The following RANGAP1 variants were observed in gnomAD, a reference collection of about 807,000 sequenced individuals.
The protein encoded by RANGAP1 is ran GTPase-activating protein 1.
A neutral mutation model predicts 63.5 loss-of-function variants in RANGAP1; 38 were observed. The ratio of observed to expected loss-of-function variants is 0.60; its 90% confidence interval spans 0.46 to 0.78. RANGAP1 has a LOEUF of 0.78. Among genes scored for constraint, RANGAP1 ranks in the 30% least tolerant of loss-of-function variants. The pLI is 0.00. For missense variants in RANGAP1, 630 were observed against 740.3 expected (o/e 0.85, Z 1.73); for synonymous variants, 329 against 310.5 (o/e 1.06, Z -0.63).
rs2033849694 is a variant in RANGAP1 at position 41,256,588 on chromosome 22, C to T, written c.888+123G>A. On this transcript the variant is annotated intron_variant, in intron 8 of 15. Transcript: ENST00000356244. ...GGAGGCTCACACAGCATCACAGGGC[C>T]CGAAGTGGAGGAGCTGGGATATGGA... 3.7e-6 allele frequency: 3 copies of T among 819,742 alleles called. No individual in the cohort carries two copies. The Admixed American group carries it at 7.3e-5, about 20-fold the overall frequency. 50.8% of individuals were successfully genotyped at this position (819,742 alleles called of 1,614,324 possible).
Position 41,254,366 on chromosome 22 carries a change from CGCT to C in RANGAP1, c.1199_1201del (p.Gln400del), listed in dbSNP as rs761891834. 13 of 1,614,008 alleles carry C rather than the reference CGCT, an allele frequency of 8.1e-6. No individual in the cohort carries two copies. The highest frequency in any genetic ancestry group is 2.2e-5 in the East Asian group (1 of 44,890). The stretch of plus-strand genomic sequence containing the variant: ...CGTGGCTGACTTCTCTCCCTGCCCT[CGCT>C]GCTGAGGCTCTTCTTCCTCCTCCTC... On this transcript the variant is annotated inframe_deletion, in exon 11 of 16. Coordinates refer to ENST00000356244, the MANE Select transcript of RANGAP1 (RefSeq NM_002883.4).
chr22:41,301,903 C>G, the RANGAP1 span: 1 of 151,530 alleles, frequency 6.6e-6, no homozygotes, highest in Non-Finnish European at 1.5e-5. Flanking sequence ...AGAGCCCTTT[C>G]CAGGCCGGGG....
chr22:41,289,999 G>A (rs1466819663), upstream of RANGAP1, among the ~76,000 whole-genome samples: 1 of 151,990 alleles, frequency 6.6e-6, no homozygotes, highest in East Asian at 1.9e-4. Context: ...CAATTAGCCA[G>A]GCATGGTGGT....
chr22:41,264,566 G>C, intron 5 of RANGAP1, 98 bp downstream of exon 5: 2 of 1,382,992 alleles, frequency 1.4e-6, no homozygotes, highest in Non-Finnish European at 1.9e-6. Flanking sequence ...AACAACGGCT[G>C]ACCATCCCAG....
At chr22:41,255,313 C>T (rs781617160) in intron 10 of RANGAP1, among the ~76,000 whole-genome samples, 3 of 152,160 alleles carry the variant, frequency 2.0e-5, no homozygotes, top group African/African-American at 7.2e-5. Context: ...CGAGGAGACA[C>T]GACTGAGTAT....
chr22:41,280,857 C>G (rs1043876966), intron 2 of RANGAP1, 76 bp downstream of exon 2: 1 of 1,596,564 alleles, frequency 6.3e-7, no homozygotes, highest in Non-Finnish European at 8.5e-7. Flanking sequence ...GCAGAAAGAG[C>G]CTGACAACCA....
At chr22:41,288,497 T>G (rs1301676096), upstream of RANGAP1, among the ~76,000 whole-genome samples, 2 of 152,172 alleles carry the variant, frequency 1.3e-5, no homozygotes, top group Non-Finnish European at 2.9e-5. Context: ...ATAGGCTTCC[T>G]GCTATTCCTG....
At chr22:41,274,501 G>A in intron 3 of RANGAP1, 99 bp downstream of exon 3, 1 of 1,532,058 alleles carries the variant, frequency 6.5e-7, no homozygotes, top group South Asian at 1.2e-5. Flanking sequence ...AGCCACACAG[G>A]CAGGGGCCTG....
chr22:41,298,787 T>C, the RANGAP1 span, among the ~76,000 whole-genome samples: 2 of 152,144 alleles, frequency 1.3e-5, no homozygotes, highest in African/African-American at 4.8e-5. Context: ...GTGTACCCCA[T>C]CGAGTACAGT....
In RANGAP1 at chr22:41,257,835, G is replaced by C. The variant is rs775177914; in HGVS notation, c.774+113C>G. ...TGGAGCCATGGGGCACACACCCAGG[G>C]GGCAGGCAGGGGGTAGAGGAGTCCC... On this transcript the variant is annotated intron_variant, in intron 7 of 15. Coordinates refer to ENST00000356244, the MANE Select transcript of RANGAP1 (RefSeq NM_002883.4). The surrounding 1 kb of genome is among the most constrained non-coding windows in gnomAD (Gnocchi z 4.0). 1 of 1,287,870 alleles carries C rather than the reference G, an allele frequency of 7.8e-7. No homozygotes were observed. Among genetic ancestry groups the C allele is most frequent in the South Asian group, 1.5e-5 (1 of 65,722 alleles). The allele number at this position is 1,287,870 out of a possible 1,614,324, so 79.8% of individuals were successfully genotyped here. A position where few individuals can be genotyped will look rare whatever the true frequency, so the allele number is the denominator to read the frequency against.
At chr22:41,264,381 G>A (rs1175056983) in intron 5 of RANGAP1, among the ~76,000 whole-genome samples, 1 of 152,228 alleles carries the variant, frequency 6.6e-6, no homozygotes. Context: ...GTATAGGGAT[G>A]CCCCAAGCCC....
chr22:41,288,920 ATTTTTTTT>A (rs10657576), upstream of RANGAP1, among the ~76,000 whole-genome samples: 102 of 111,106 alleles, frequency 9.2e-4, no homozygotes, highest in African/African-American at 3.5e-3. Flanking sequence ...CTATATCCTG[ATTTTTTTT>A]TTTTTTTTTT....
Position 41,281,027 on chromosome 22 carries a change from A to G in RANGAP1, c.18T>C (p.Ile6=). The G allele has an allele frequency of 6.2e-7, 1 of 1,607,396 alleles. No homozygotes were observed. The highest frequency in any genetic ancestry group is 8.5e-7 in the Non-Finnish European group (1 of 1,177,028). Residue 6 remains isoleucine, a synonymous_variant, in exon 2 of 16, where the codon ATT becomes ATC. Transcript: ENST00000356244. MASED[I]AKLAETLAKT... is the part of the protein sequence containing the mutation. ...TGGCAAGTGTCTCTGCCAGCTTGGC[A>G]ATGTCTTCCGAGGCCATGTTGACTA...
chr22:41,268,185 G>A (rs375903068), intron 3 of RANGAP1, 29 bp from the exon 4 acceptor site: 24 of 1,508,184 alleles, frequency 1.6e-5, no homozygotes, highest in Middle Eastern at 1.7e-4. Context: ...AAGAGTTAGC[G>A]GGAGAGAGAC....
chr22:41,263,352 G>C (rs1436280411), intron 5 of RANGAP1, among the ~76,000 whole-genome samples: 1 of 152,160 alleles, frequency 6.6e-6, no homozygotes, highest in African/African-American at 2.4e-5. Flanking sequence ...CTGTGCTGAC[G>C]CAAACGTTTT....
chr22:41,250,027 T>G (rs1276615788), intron 13 of RANGAP1, among the ~76,000 whole-genome samples: 1 of 152,218 alleles, frequency 6.6e-6, no homozygotes, highest in East Asian at 1.9e-4. Flanking sequence ...CTGCCAGCTG[T>G]GACACTCTGG....
chr22:41,247,342 A>G (rs1375891149), intron 15 of RANGAP1, among the ~76,000 whole-genome samples: 1 of 151,754 alleles, frequency 6.6e-6, no homozygotes, highest in East Asian at 1.9e-4. Flanking sequence ...GGCGTGAGCC[A>G]CCGCGCCAGG....
intron 12 of RANGAP1, 28 bp downstream of exon 12, chr22:41,252,844 A>T (rs2145694134): frequency 1.3e-6 from 2 of 1,543,550 alleles, no homozygotes; most frequent in Non-Finnish European, 1.7e-6. Flanking sequence ...CAGCACGTAC[A>T]GCGTGGGGGT....
chr22:41,264,025 T>TC (rs1445601117), intron 5 of RANGAP1, among the ~76,000 whole-genome samples: 1 of 152,230 alleles, frequency 6.6e-6, no homozygotes, highest in Non-Finnish European at 1.5e-5. Flanking sequence ...TACTTCTGTG[T>TC]CCCCAGCCCT....
Sources: gnomAD v4.1 joint callset for allele counts (sites outside exome capture counted in the v4.1 genomes callset) on GRCh38, gnomAD v4.1.1 for gene constraint, Gnocchi (gnomAD v3.1) non-coding constraint, MANE v1.5 for transcripts, NCBI Gene and HGNC (gene_info 2026-07-23, HGNC 2026-07-21) for gene names.